OSBPL3: variants seen among roughly 807,000 people sequenced by gnomAD.
OSBPL3 encodes the protein oxysterol-binding protein-related protein 3.
A neutral mutation model predicts 120.1 loss-of-function variants in OSBPL3; 65 were observed. The observed-to-expected ratio is 0.54, with a 90% CI of 0.44 to 0.67. The LOEUF is 0.67. OSBPL3 is among the 30% of genes least tolerant of loss of function. OSBPL3 has a pLI of 0.00. For synonymous variants in OSBPL3, 416 were observed against 402.6 expected, an observed-to-expected ratio of 1.03 and a Z score of -0.40; for missense variants, 1,004 against 1,082.1, an observed-to-expected ratio of 0.93 and a Z score of 1.01.
In OSBPL3 at chr7:24,849,225, G is replaced by C. The variant is rs1562821759; in HGVS notation, c.1159-49C>G. ...GCTCTGTTAATAAATGGATGTTTCA[G>C]AAAAGCACAGCAGTGGGCCCTGCAG... On this transcript the variant is annotated intron_variant, in intron 11 of 22. Transcript: ENST00000313367. This position sits in a 1 kb window ranked among gnomAD's most constrained non-coding sequence, Gnocchi z 5.4. The C allele has an allele frequency of 1.0e-5, 15 of 1,439,974 alleles. No individual in the cohort carries two copies. The highest frequency in any genetic ancestry group is 2.8e-5 in the African/African-American group (2 of 71,506). 89.2% of individuals were successfully genotyped at this position (1,439,974 alleles called of 1,614,324 possible).
Position 24,873,761 on chromosome 7 carries a change from A to C in OSBPL3, c.97-1692T>G, listed in dbSNP as rs1395485086. Among the ~76,000 whole-genome samples, 1 of 152,196 alleles carries C rather than the reference A, an allele frequency of 6.6e-6. No homozygotes were observed. The highest frequency in any genetic ancestry group is 2.4e-5 in the African/African-American group (1 of 41,438). On this transcript the variant is annotated intron_variant, in intron 2 of 22. Transcript: ENST00000313367. This position sits in a 1 kb window ranked among gnomAD's most constrained non-coding sequence, Gnocchi z 4.1. Reference sequence around the variant, plus strand: ...AACACCAAAAAAAAAAACTTACTTGAATTTATTTTAGCTCAGAAAGCCATT... The same window carrying C: ...AACACCAAAAAAAAAAACTTACTTGCATTTATTTTAGCTCAGAAAGCCATT...
chr7:24,942,984 T>G (rs111325068), intron 1 of OSBPL3, among the ~76,000 whole-genome samples: 3 of 152,366 alleles, frequency 2.0e-5, no homozygotes, highest in South Asian at 2.1e-4. Context: ...CTATTGCTTC[T>G]TCTGCAAAGG....
rs559473311 is a variant in OSBPL3, at chr7:24,930,137, G to A, written c.-149-37516C>T. Among the ~76,000 whole-genome samples, 1 of 152,238 alleles carries A rather than the reference G, an allele frequency of 6.6e-6. No homozygotes were observed. Among genetic ancestry groups the A allele is most frequent in the South Asian group, 2.1e-4 (1 of 4,820 alleles). ...TAATGATTTTTTAAGAGGTTAACCT[G>A]GAAAGGTTAATGACCAACTGAATTG... On this transcript the variant is annotated intron_variant, in intron 1 of 22. Transcript: ENST00000313367. This position sits in a 1 kb window ranked among gnomAD's most constrained non-coding sequence, Gnocchi z 4.4.
intron 1 of OSBPL3, among the ~76,000 whole-genome samples, chr7:24,963,807 T>TA (rs761652649): frequency 6.6e-6 from 1 of 152,210 alleles, no homozygotes; most frequent in Non-Finnish European, 1.5e-5. Context: ...CCGTGGGTAG[T>TA]AAACCATGTA....
In OSBPL3 at chr7:24,809,821, C is replaced by T; in HGVS notation, c.2303G>A (p.Cys768Tyr). 6.2e-7 allele frequency: 1 copy of T among 1,614,164 alleles called. No homozygotes were observed. The highest frequency in any genetic ancestry group is 8.5e-7 in the Non-Finnish European group (1 of 1,180,026). The stretch of plus-strand genomic sequence containing the variant: ...CAGACACTCACTTGCTCTCCATACA[C>T]AGGCAGAAGAGGAGCCGCCGCCACA... ...IYCGGGSSSA[C>Y]VWRANPMPKG... Residue 768 changes from cysteine to tyrosine, a missense_variant, in exon 20 of 23, where the codon TGT becomes TAT. By Grantham distance (194) the Cys-to-Tyr change is radical. Coordinates refer to ENST00000313367, the MANE Select transcript of OSBPL3 (RefSeq NM_015550.4).
intron 1 of OSBPL3, among the ~76,000 whole-genome samples, chr7:24,971,208 C>T (rs376034813): frequency 1.3e-5 from 2 of 152,216 alleles, no homozygotes; most frequent in East Asian, 1.9e-4. Context: ...CAATAGAGGC[C>T]GAAAGACCTG....
rs1796375991 is a variant in OSBPL3, at chr7:24,831,622, G to C, written c.1747-717C>G. Among the ~76,000 whole-genome samples the C allele has an allele frequency of 6.6e-6, 1 of 152,210 alleles. No individual in the cohort carries two copies. Among genetic ancestry groups the C allele is most frequent in the Non-Finnish European group, 1.5e-5 (1 of 68,040 alleles). On this transcript the variant is annotated intron_variant, in intron 15 of 22. Transcript: ENST00000313367. The surrounding 1 kb of genome is among the most constrained non-coding windows in gnomAD (Gnocchi z 4.0). ...AGCAATTCCCCGTCAGGGCATCAGG[G>C]AGGCACATTACCTTCTTTGTCTTTT...
At chr7:24,841,577 C>T (rs1005018675) in intron 13 of OSBPL3, among the ~76,000 whole-genome samples, 1 of 151,130 alleles carries the variant, frequency 6.6e-6, no homozygotes, top group Non-Finnish European at 1.5e-5. Context: ...CGCCTGTATT[C>T]CCAGATACTT....
At chr7:24,904,918 GGTGTGTGTGTGTGTGT>G (rs67222925) in intron 1 of OSBPL3, among the ~76,000 whole-genome samples, 18 of 132,948 alleles carry the variant, frequency 1.4e-4, no homozygotes, top group South Asian at 5.6e-4. Flanking sequence ...ATAATATACA[GGTGTGTGTGTGTGTGT>G]GTGTGTGTGT....
chr7:24,943,234 T>A (rs565153833), intron 1 of OSBPL3, among the ~76,000 whole-genome samples: 2 of 152,166 alleles, frequency 1.3e-5, no homozygotes, highest in South Asian at 2.1e-4. Context: ...CCATGCCCAG[T>A]ACACTGGCTG....
intron 1 of OSBPL3, among the ~76,000 whole-genome samples, chr7:24,897,726 T>C (rs1806393901): frequency 6.6e-6 from 1 of 152,216 alleles, no homozygotes; most frequent in African/African-American, 2.4e-5. Context: ...ATTAAAGCAG[T>C]GTGCTTACTT....
chr7:24,924,986 G>C (rs1810864355), intron 1 of OSBPL3, among the ~76,000 whole-genome samples: 1 of 152,120 alleles, frequency 6.6e-6, no homozygotes, highest in Non-Finnish European at 1.5e-5. Flanking sequence ...AAGGGAGAAG[G>C]CATAGCAATT....
intron 7 of OSBPL3, among the ~76,000 whole-genome samples, chr7:24,865,038 ATG>A (rs1801108673): frequency 6.6e-6 from 1 of 152,128 alleles, no homozygotes; most frequent in South Asian, 2.1e-4. Context: ...TCTTTCTTGG[ATG>A]TGTGTCAGAC....
At position 24,849,111 on chromosome 7, in the gene OSBPL3, G is replaced by C. The variant is rs61756142; in HGVS notation, c.1224C>G (p.Leu408=). The change falls in exon 12 of 23, where the codon CTC becomes CTG. Residue 408 remains leucine (L), a synonymous_variant. Transcript: ENST00000313367. This position sits in a 1 kb window ranked among gnomAD's most constrained non-coding sequence, Gnocchi z 5.4. ...LRRIHAESLL[L]DSPAVAKSGD... is the part of the protein sequence containing the mutation. Reference sequence around the variant, plus strand: ...CCGACTTGGCGACAGCGGGGGAGTCGAGGAGCAGAGACTCGGCATGGATTC... The same window carrying C: ...CCGACTTGGCGACAGCGGGGGAGTCCAGGAGCAGAGACTCGGCATGGATTC... 4.3e-6 allele frequency: 7 copies of C among 1,614,042 alleles called. No homozygotes were observed. Among genetic ancestry groups the C allele is most frequent in the Admixed American group, 1.7e-5 (1 of 60,024 alleles).
At position 24,946,728 on chromosome 7, in the gene OSBPL3, G is replaced by T. The variant is rs1229432836; in HGVS notation, c.-150+33158C>A. On this transcript the variant is annotated intron_variant, in intron 1 of 22. Coordinates refer to ENST00000313367, the MANE Select transcript of OSBPL3 (RefSeq NM_015550.4). The surrounding 1 kb of genome is among the most constrained non-coding windows in gnomAD (Gnocchi z 4.3). ...CAGGTCCATCTTATCCACTCCATGT[G>T]GCAAACATTTCTCCCTCCTCTGCTC... Among the ~76,000 whole-genome samples, 1 of 152,118 alleles carries T rather than the reference G, an allele frequency of 6.6e-6. No individual in the cohort carries two copies. Among genetic ancestry groups the T allele is most frequent in the South Asian group, 2.1e-4 (1 of 4,828 alleles).
chr7:24,969,839 C>T (rs1446520430), intron 1 of OSBPL3, among the ~76,000 whole-genome samples: 3 of 152,164 alleles, frequency 2.0e-5, no homozygotes, highest in African/African-American at 7.2e-5. Flanking sequence ...TCTGTCACCA[C>T]CAAAACACTT....
At chr7:24,876,088 C>T (rs1171418298) in intron 2 of OSBPL3, among the ~76,000 whole-genome samples, 2 of 152,184 alleles carry the variant, frequency 1.3e-5, no homozygotes, top group Non-Finnish European at 2.9e-5. Context: ...ATCCTAACCT[C>T]GGCTCTCATC....
In OSBPL3 at chr7:24,799,926, A is replaced by C. The variant is rs1792097095; in HGVS notation, c.*257T>G. 4 of 188,000 alleles carry C rather than the reference A, an allele frequency of 2.1e-5. No individual in the cohort carries two copies. In the East Asian group the frequency reaches 5.0e-4, roughly 23 times the overall value. The allele number at this position is 188,000 out of a possible 1,614,324, so 11.6% of individuals were successfully genotyped here. ...TTTTTTAACCCACACATGAACATTC[A>C]ATCTTTCATTTTTATTAAATAGTTT... On this transcript the variant is annotated 3_prime_UTR_variant, in exon 23 of 23. Transcript: ENST00000313367. The surrounding 1 kb of genome is among the most constrained non-coding windows in gnomAD (Gnocchi z 5.3).
intron 2 of OSBPL3, among the ~76,000 whole-genome samples, chr7:24,880,999 A>C (rs1161992143): frequency 1.3e-5 from 2 of 152,204 alleles, no homozygotes; most frequent in African/African-American, 4.8e-5. Context: ...CTCAGATATA[A>C]TACTCTTGTA....
Sources: gnomAD v4.1 joint callset for allele counts (sites outside exome capture counted in the v4.1 genomes callset) on GRCh38, gnomAD v4.1.1 for gene constraint, Gnocchi (gnomAD v3.1) non-coding constraint, MANE v1.5 for transcripts, NCBI Gene and HGNC (gene_info 2026-07-23, HGNC 2026-07-21) for gene names.